DDX10: variants seen among roughly 807,000 people sequenced by gnomAD.
The protein encoded by DDX10 is probable ATP-dependent RNA helicase DDX10.
In DDX10, 74 loss-of-function variants were observed where a neutral mutation model predicts 104.3. The observed-to-expected ratio is 0.71, with a 90% CI of 0.59 to 0.86. The LOEUF is 0.86. Among genes scored for constraint, DDX10 ranks in the 40% least tolerant of loss-of-function variants. The pLI is 0.00. For synonymous variants in DDX10, 351 were observed against 353.4 expected (o/e 0.99, Z 0.08); for missense variants, 952 against 1,040.0 (o/e 0.92, Z 1.16).
chr11:108,922,256 AAAAAAAAAAG>A (rs1214962716), intron 17 of DDX10: 259 of 108,248 alleles, frequency 2.4e-3, no homozygotes, highest in African/African-American at 7.1e-3. Flanking sequence ...AAAAAAAAAA[AAAAAAAAAAG>A]AGAGAGAGAG....
chr11:108,688,977 T>A lies in DDX10; in HGVS notation c.890T>A (p.Leu297Gln), dbSNP rs1299780992. The A allele has an allele frequency of 6.2e-7, 1 of 1,614,088 alleles. No homozygotes were observed. The highest frequency in any genetic ancestry group is 1.1e-5 in the South Asian group (1 of 91,078). Residue 297 changes from leucine (L) to glutamine (Q), a missense_variant, in exon 7 of 18, where the codon CTG (leucine) becomes CAG (glutamine). Leu to Gln is a moderately radical substitution (Grantham distance 113, BLOSUM62 -2). This residue lies in a region of DDX10 where 412 missense variants were observed against 479.2 expected (regional missense o/e 0.86). Coordinates refer to ENST00000322536, the MANE Select transcript of DDX10 (RefSeq NM_004398.4). ...GAACAGAACTACATAGTCTGTGAGC[T>A]GCAGCAAAAAATAAGTGTGCTGTAT... is the stretch of plus-strand genomic sequence containing the variant. ...TLEQNYIVCE[L>Q]QQKISVLYSF...
intron 9 of DDX10, among the ~76,000 whole-genome samples, chr11:108,695,249 T>C (rs2094258108): frequency 6.6e-6 from 1 of 152,232 alleles, no homozygotes; most frequent in South Asian, 2.1e-4. Flanking sequence ...ATTATGATTA[T>C]GGTTAGCCAC....
intron 15 of DDX10, among the ~76,000 whole-genome samples, chr11:108,842,234 C>T (rs1186065428): frequency 6.6e-6 from 1 of 151,980 alleles, no homozygotes; most frequent in East Asian, 1.9e-4. Context: ...GAACATTTCA[C>T]TAGATAAAAA....
intron 13 of DDX10, among the ~76,000 whole-genome samples, chr11:108,771,581 G>A (rs771858860): frequency 6.6e-6 from 1 of 152,028 alleles, no homozygotes; most frequent in Non-Finnish European, 1.5e-5. Flanking sequence ...TCCTGACCTC[G>A]TGATCCGTCC....
intron 13 of DDX10, among the ~76,000 whole-genome samples, chr11:108,787,468 C>T (rs1419835010): frequency 1.3e-5 from 2 of 152,144 alleles, no homozygotes; most frequent in Non-Finnish European, 2.9e-5. Context: ...CCTTCTCTCT[C>T]AAGAATGCCA....
intron 13 of DDX10, among the ~76,000 whole-genome samples, chr11:108,751,943 G>A (rs1364440074): frequency 1.3e-5 from 2 of 152,022 alleles, no homozygotes; most frequent in Non-Finnish European, 2.9e-5. Context: ...GTTTTGAGCC[G>A]AGATGGGAAT....
chr11:108,899,220 G>A (rs546842358), intron 16 of DDX10, among the ~76,000 whole-genome samples: 1 of 150,624 alleles, frequency 6.6e-6, no homozygotes, highest in South Asian at 2.1e-4. Flanking sequence ...TATCTTTATT[G>A]GGTTTTTTTT....
intron 13 of DDX10, among the ~76,000 whole-genome samples, chr11:108,831,360 A>AGCCACTGCACTCTTCCCTGGC (rs1362293148): frequency 7.0e-6 from 1 of 142,896 alleles, no homozygotes; most frequent in Non-Finnish European, 1.5e-5. Flanking sequence ...GCTGAGATCG[A>AGCCACTGCACTCTTCCCTGGC]GCCACTGCAC....
intron 10 of DDX10, among the ~76,000 whole-genome samples, chr11:108,709,266 T>C (rs1342608098): frequency 6.6e-6 from 1 of 152,182 alleles, no homozygotes; most frequent in Non-Finnish European, 1.5e-5. Context: ...TTATGAGTGA[T>C]ATTGGTCTGT....
intron 16 of DDX10, among the ~76,000 whole-genome samples, chr11:108,886,488 A>T (rs1863297585): frequency 6.6e-6 from 1 of 152,180 alleles, no homozygotes; most frequent in Non-Finnish European, 1.5e-5. Context: ...AGATTTTTGG[A>T]TAATAGAATG....
chr11:108,694,416 A>G (rs2094256897), intron 9 of DDX10, among the ~76,000 whole-genome samples: 1 of 152,196 alleles, frequency 6.6e-6, no homozygotes, highest in Admixed American at 6.5e-5. Context: ...GTATAGGCTA[A>G]TAAGAGGCTA....
intron 16 of DDX10, among the ~76,000 whole-genome samples, chr11:108,853,209 T>C (rs1862818956): frequency 6.6e-6 from 1 of 152,208 alleles, no homozygotes; most frequent in Non-Finnish European, 1.5e-5. Flanking sequence ...GGCTTCTGCA[T>C]ATGCTTTAAC....
chr11:108,894,890 G>A (rs1206729027), intron 16 of DDX10, among the ~76,000 whole-genome samples: 1 of 151,866 alleles, frequency 6.6e-6, no homozygotes, highest in Non-Finnish European at 1.5e-5. Context: ...TATTATAAGT[G>A]ATTGCTTTTT....
At chr11:108,846,798 G>A (rs1862724311) in intron 15 of DDX10, among the ~76,000 whole-genome samples, 1 of 148,962 alleles carries the variant, frequency 6.7e-6, no homozygotes, top group African/African-American at 2.5e-5. Flanking sequence ...AGATCTAAAG[G>A]TTCTAACTGG....
intron 17 of DDX10, among the ~76,000 whole-genome samples, chr11:108,933,753 A>G (rs542318213): frequency 5.9e-5 from 9 of 152,246 alleles, no homozygotes; most frequent in South Asian, 2.1e-4. Context: ...GTCTACTTAC[A>G]TACTGGCTTA....
chr11:108,902,116 C>G (rs2134649292), intron 16 of DDX10, among the ~76,000 whole-genome samples: 1 of 152,262 alleles, frequency 6.6e-6, no homozygotes, highest in South Asian at 2.1e-4. Flanking sequence ...ACTCACATGA[C>G]CAGTTTTCAT....
intron 15 of DDX10, among the ~76,000 whole-genome samples, chr11:108,843,391 C>CTTTTT (rs71050891): frequency 4.4e-5 from 6 of 137,714 alleles, no homozygotes; most frequent in Admixed American, 1.5e-4. Flanking sequence ...CTTGCACATC[C>CTTTTT]TTTTTTTTTT....
chr11:108,902,301 A>G (rs755477214), intron 16 of DDX10, among the ~76,000 whole-genome samples: 3 of 152,186 alleles, frequency 2.0e-5, no homozygotes, highest in Non-Finnish European at 2.9e-5. Context: ...TTAGGGCACA[A>G]AACTTCATGC....
rs1864102028 is a variant in DDX10, at chr11:108,940,903, A to G, written c.*480A>G. 5.2e-6 allele frequency: 1 copy of G among 192,026 alleles called. No individual in the cohort carries two copies. Among genetic ancestry groups the G allele is most frequent in the African/African-American group, 2.3e-5 (1 of 42,976 alleles). The allele number at this position is 192,026 out of a possible 1,614,324, so 11.9% of individuals were successfully genotyped here. ...TATTTTTGAATTGAGATGATCAATA[A>G]TAAACATATTTCCTATAAAAGAAAG... On this transcript the variant is annotated 3_prime_UTR_variant, in exon 18 of 18. Transcript: ENST00000322536.
Sources: gnomAD v4.1 joint callset for allele counts (sites outside exome capture counted in the v4.1 genomes callset) on GRCh38, gnomAD v4.1.1 for gene constraint, gnomAD v4.1.1 regional missense constraint, MANE v1.5 for transcripts, NCBI Gene and HGNC (gene_info 2026-07-23, HGNC 2026-07-21) for gene names.